The following ZC3H7B variants were observed in gnomAD, a reference collection of about 807,000 sequenced individuals.
ZC3H7B encodes the protein zinc finger CCCH domain-containing protein 7B.
ZC3H7B carries 35 observed loss-of-function variants against 116.0 expected under a neutral mutation model. The ratio of observed to expected loss-of-function variants is 0.30; its 90% CI spans 0.23 to 0.40. ZC3H7B has a LOEUF of 0.40. ZC3H7B is among the 10% of genes least tolerant of loss of function. ZC3H7B has a pLI of 1.00. For missense variants in ZC3H7B, 1,011 were observed against 1,321.5 expected (o/e 0.77, Z 3.64); for synonymous variants, 502 against 545.6 (o/e 0.92, Z 1.11).
At chr22:41,332,120 G>T (rs780320534) in intron 6 of ZC3H7B, 51 bp from the exon 7 acceptor site, 2 of 1,607,166 alleles carry the variant, frequency 1.2e-6, no homozygotes, top group Non-Finnish European at 1.7e-6. Flanking sequence ...GGGACCTTGA[G>T]CATCTTTTCA....
chr22:41,331,554 CAAAA>C (rs76036983), intron 6 of ZC3H7B, among the ~76,000 whole-genome samples: 2 of 51,302 alleles, frequency 3.9e-5, no homozygotes. Context: ...GACTCTGCCT[CAAAA>C]AAAAAAAAAA....
chr22:41,314,315 C>G (rs2036154140), intron 1 of ZC3H7B, among the ~76,000 whole-genome samples: 1 of 151,600 alleles, frequency 6.6e-6, no homozygotes, highest in African/African-American at 2.4e-5. Flanking sequence ...TGCCACCAAG[C>G]CTGGCTACTT....
chr22:41,326,019 C>G, intron 4 of ZC3H7B, 101 bp downstream of exon 4: 1 of 1,337,132 alleles, frequency 7.5e-7, no homozygotes, highest in Non-Finnish European at 1.0e-6. Context: ...AGACCAGGGC[C>G]AGCCTCCTCC....
rs1166548880 is a variant in ZC3H7B, at chr22:41,314,246, T to C, written c.-6-6409T>C. Among the ~76,000 whole-genome samples, 3 of 151,882 alleles carry C rather than the reference T, an allele frequency of 2.0e-5. No individual in the cohort carries two copies. In the East Asian group the frequency reaches 5.8e-4, roughly 29 times the overall value. ...ATCTCAGCTCACTGCAACCTCTGCCTCCCGGGTTCAAGCAATTCTCCTGCC... is the reference window on the plus strand; with the variant it reads ...ATCTCAGCTCACTGCAACCTCTGCCCCCCGGGTTCAAGCAATTCTCCTGCC... On this transcript the variant is annotated intron_variant, in intron 1 of 22. Transcript: ENST00000352645.
intron 2 of ZC3H7B, among the ~76,000 whole-genome samples, chr22:41,323,998 A>G (rs2036288496): frequency 6.6e-6 from 1 of 151,666 alleles, no homozygotes; most frequent in African/African-American, 2.4e-5. Flanking sequence ...TGAACCCGGG[A>G]GGTGGAGGTT....
At chr22:41,322,930 C>G (rs1338788752) in intron 2 of ZC3H7B, among the ~76,000 whole-genome samples, 2 of 152,222 alleles carry the variant, frequency 1.3e-5, no homozygotes, top group African/African-American at 4.8e-5. Context: ...CTGTGCCCAG[C>G]GTACTCCCTT....
In ZC3H7B at chr22:41,338,273, C is replaced by A; in HGVS notation, c.583-40C>A. 1 of 1,606,182 alleles carries A rather than the reference C, an allele frequency of 6.2e-7. No homozygotes were observed. Among genetic ancestry groups the A allele is most frequent in the East Asian group, 2.2e-5 (1 of 44,680 alleles). ...CTGGTGCTGGGTGCTGGGATCGGGGCCTTCCCAGCCACAGCGCCACTGTGG... is the reference window on the plus strand; with the variant it reads ...CTGGTGCTGGGTGCTGGGATCGGGGACTTCCCAGCCACAGCGCCACTGTGG... On this transcript the variant is annotated intron_variant, in intron 7 of 22. Transcript: ENST00000352645. The surrounding 1 kb of genome is among the most constrained non-coding windows in gnomAD (Gnocchi z 4.5).
intron 2 of ZC3H7B, among the ~76,000 whole-genome samples, chr22:41,323,521 C>T (rs1276101062): frequency 6.6e-6 from 1 of 152,218 alleles, no homozygotes; most frequent in Non-Finnish European, 1.5e-5. Flanking sequence ...TGTTCACTCT[C>T]GTCCCCTCCT....
rs1430265160 is a variant in ZC3H7B at position 41,349,488 on chromosome 22, G to T, written c.1948+187G>T. Among the ~76,000 whole-genome samples the T allele has an allele frequency of 1.3e-5, 2 of 152,144 alleles. No homozygotes were observed. Among genetic ancestry groups the T allele is most frequent in the Non-Finnish European group, 2.9e-5 (2 of 68,002 alleles). The stretch of plus-strand genomic sequence containing the variant: ...TCTGTGTGTCCCAGGCACCACAGAG[G>T]AGAGAAGCTCTGCTCTCAGGGCGCT... On this transcript the variant is annotated intron_variant, in intron 16 of 22. Transcript: ENST00000352645. This position sits in a 1 kb window ranked among gnomAD's most constrained non-coding sequence, Gnocchi z 4.9.
intron 1 of ZC3H7B, among the ~76,000 whole-genome samples, chr22:41,316,748 C>A (rs1158145788): frequency 1.3e-5 from 2 of 152,024 alleles, no homozygotes. Context: ...AATCTTGGCT[C>A]ACTGCAACCT....
At chr22:41,326,718 A>T (rs1409390684) in intron 4 of ZC3H7B, among the ~76,000 whole-genome samples, 1 of 152,172 alleles carries the variant, frequency 6.6e-6, no homozygotes, top group Non-Finnish European at 1.5e-5. Flanking sequence ...GCTCTGCTGC[A>T]GGCTCTCTAG....
chr22:41,329,040 A>G (rs1243600663), intron 5 of ZC3H7B, among the ~76,000 whole-genome samples: 3 of 147,424 alleles, frequency 2.0e-5, no homozygotes, highest in Non-Finnish European at 4.5e-5. Flanking sequence ...ACAAAAAAAA[A>G]AAAAAAAAAA....
intron 1 of ZC3H7B, among the ~76,000 whole-genome samples, chr22:41,319,513 T>G (rs2036227607): frequency 7.5e-6 from 1 of 133,186 alleles, no homozygotes; most frequent in Admixed American, 8.6e-5. Flanking sequence ...GAGGTTGGAG[T>G]GGGCTGAGAT....
At chr22:41,309,567 A>G (rs868168882) in intron 1 of ZC3H7B, among the ~76,000 whole-genome samples, 21 of 146,602 alleles carry the variant, frequency 1.4e-4, no homozygotes, top group African/African-American at 5.1e-4. Flanking sequence ...TGCCCACCTC[A>G]GCCTCCCAAA....
At chr22:41,348,499 G>A (rs556050060) in intron 15 of ZC3H7B, among the ~76,000 whole-genome samples, 8 of 152,292 alleles carry the variant, frequency 5.3e-5, no homozygotes, top group South Asian at 4.1e-4. Flanking sequence ...GACAGCAAGC[G>A]GGGGGCCTCG....
rs749702362 is a variant in ZC3H7B at position 41,342,588 on chromosome 22, C to G, written c.1257C>G (p.His419Gln). Residue 419 changes from histidine (H) to glutamine (Q), a missense_variant, in exon 12 of 23, where the codon CAC becomes CAG. His to Gln is a conservative substitution (Grantham distance 24). Around this residue, in one of 5 missense-constraint regions of ZC3H7B, gnomAD observed 179 missense variants for 178.5 expected, o/e 1.00. Coordinates refer to ENST00000352645, the MANE Select transcript of ZC3H7B (RefSeq NM_017590.6). ...TCAAGAACCCCTTGGCTGCCACCCA[C>G]GAGTTCAAGCAGGCCTGCCAGCTCT... ...LLIKNPLAAT[H>Q]EFKQACQLCY... The G allele has an allele frequency of 1.9e-6, 3 of 1,613,210 alleles. No individual in the cohort carries two copies. The highest frequency in any genetic ancestry group is 2.5e-6 in the Non-Finnish European group (3 of 1,179,908).
chr22:41,356,082 G>A lies in ZC3H7B; in HGVS notation c.2383+20G>A, dbSNP rs1029262359. On this transcript the variant is annotated intron_variant, in intron 20 of 22. Coordinates refer to ENST00000352645, the MANE Select transcript of ZC3H7B (RefSeq NM_017590.6). ...ACAAGAGTGAGTGGGCAGACGGGGC[G>A]GGCGGGCCCTCCCCCGGTGTCTCTT... The A allele has an allele frequency of 9.7e-6, 15 of 1,551,758 alleles. No homozygotes were observed. The highest frequency in any genetic ancestry group is 8.7e-5 in the Admixed American group (4 of 45,776).
chr22:41,318,177 G>C (rs1331534666), intron 1 of ZC3H7B, among the ~76,000 whole-genome samples: 3 of 152,212 alleles, frequency 2.0e-5, no homozygotes, highest in Non-Finnish European at 2.9e-5. Flanking sequence ...GCTCATGCCT[G>C]TCATCCCATC....
chr22:41,309,211 C>T (rs1416178325), intron 1 of ZC3H7B, among the ~76,000 whole-genome samples: 28 of 152,064 alleles, frequency 1.8e-4, no homozygotes, highest in African/African-American at 4.3e-4. Context: ...GGGGTTTCAC[C>T]GTGTTAGCCA....
Sources: allele counts gnomAD v4.1 joint callset (sites outside exome capture counted in the v4.1 genomes callset), GRCh38; gene constraint gnomAD v4.1.1; regional missense constraint gnomAD v4.1.1; non-coding constraint Gnocchi (gnomAD v3.1); transcripts MANE v1.5; gene names NCBI Gene and HGNC (gene_info 2026-07-23, HGNC 2026-07-21).